TRHDE: variants seen among roughly 807,000 people sequenced by gnomAD.
The protein encoded by TRHDE is thyrotropin-releasing hormone-degrading ectoenzyme.
Under a neutral mutation model 125.7 loss-of-function variants are expected in TRHDE, and 72 were observed. The observed-to-expected ratio is 0.57, with a 90% CI of 0.47 to 0.70. The LOEUF is 0.70. Among genes scored for constraint, TRHDE ranks in the 30% least tolerant of loss-of-function variants. The pLI, the probability that TRHDE is intolerant of heterozygous loss-of-function variation, is 0.00. For missense variants in TRHDE, 1,110 were observed against 1,327.1 expected, an observed-to-expected ratio of 0.84 and a Z score of 2.54; for synonymous variants, 509 against 509.1, an observed-to-expected ratio of 1.00 and a Z score of 0.00.
intron 2 of TRHDE, among the ~76,000 whole-genome samples, chr12:72,311,875 A>C (rs1868558682): frequency 6.6e-6 from 1 of 152,076 alleles, no homozygotes; most frequent in Admixed American, 6.6e-5. Flanking sequence ...CAAATCATTT[A>C]GTACTTTCCT....
Position 72,198,184 on chromosome 12 carries a change from A to AT in TRHDE, n.279+92433dup, listed in dbSNP as rs1877482910. ...ATAAATAATATTGTATTGTATGAAT[A>AT]TACCACATTTTTTAATCCATTCATC... On this transcript the variant is annotated intron_variant and non_coding_transcript_variant, in intron 2 of 4. Transcript: ENST00000548156. Among the ~76,000 whole-genome samples the AT allele has an allele frequency of 2.0e-5, 3 of 152,256 alleles. No individual in the cohort carries two copies. In the East Asian group the frequency reaches 5.8e-4, roughly 29 times the overall value.
At position 72,226,653 on chromosome 12, in the gene TRHDE, T is replaced by G. The variant is rs567135772; in HGVS notation, n.279+120901T>G. ...ACCAAATAGTAGTTATTTGACTTAC[T>G]GCAATGAAGAATACACTAAAGTGAT... On this transcript the variant is annotated intron_variant and non_coding_transcript_variant, in intron 2 of 4. Transcript: ENST00000548156. Among the ~76,000 whole-genome samples the G allele has an allele frequency of 1.3e-3, 196 of 152,342 alleles. 1 individual carries two copies. Among genetic ancestry groups the G allele is most frequent in the African/African-American group, 4.5e-3 (189 of 41,582 alleles).
chr12:72,376,756 T>C (rs1320412025), intron 2 of TRHDE, among the ~76,000 whole-genome samples: 2 of 152,058 alleles, frequency 1.3e-5, no homozygotes, highest in African/African-American at 4.8e-5. Flanking sequence ...TAAATAATAA[T>C]AGATGATGTA....
intron 15 of TRHDE, among the ~76,000 whole-genome samples, chr12:72,647,519 T>C (rs1306917298): frequency 6.6e-6 from 1 of 151,676 alleles, no homozygotes; most frequent in African/African-American, 2.4e-5. Flanking sequence ...CAAGATAAAA[T>C]TGATAAATCT....
chr12:72,614,600 T>A (rs10879464), intron 12 of TRHDE, among the ~76,000 whole-genome samples: 61,992 of 151,812 alleles, frequency 0.41, 14,733 homozygotes, highest in African/African-American at 0.65. Context: ...CATATATTAT[T>A]AAATATGTAG....
At chr12:72,183,100 C>T (rs917881360) in intron 2 of TRHDE, among the ~76,000 whole-genome samples, 2 of 152,124 alleles carry the variant, frequency 1.3e-5, no homozygotes, top group African/African-American at 4.8e-5. Flanking sequence ...GTGAGAGTCC[C>T]CCAACTCTTT....
At chr12:72,187,988 A>G (rs1877262024) in intron 2 of TRHDE, among the ~76,000 whole-genome samples, 1 of 152,260 alleles carries the variant, frequency 6.6e-6, no homozygotes, top group Admixed American at 6.5e-5. Flanking sequence ...ATATGAAAAT[A>G]TGGGATAATA....
In TRHDE at chr12:72,448,748, G is replaced by GAA. The variant is rs36100035; in HGVS notation, c.1316-21002_1316-21001dup. Reference sequence around the variant, plus strand: ...TACAGCATTACAGAAAGCAATTTAGGAAAAAAAAATGAAAGAAAGAAAAGG... The same window carrying GAA: ...TACAGCATTACAGAAAGCAATTTAGGAAAAAAAAAAATGAAAGAAAGAAAAGG... On this transcript the variant is annotated intron_variant, in intron 3 of 18. Transcript: ENST00000261180. Among the ~76,000 whole-genome samples, 616 of 148,046 alleles carry GAA rather than the reference G, an allele frequency of 4.2e-3. 2 individuals carry two copies. Among genetic ancestry groups the GAA allele is most frequent in the African/African-American group, 0.014 (560 of 40,754 alleles).
intron 13 of TRHDE, 80 bp from the exon 14 acceptor site, chr12:72,621,028 A>G (rs989185836): frequency 3.0e-6 from 2 of 663,358 alleles, no homozygotes; most frequent in Non-Finnish European, 5.2e-6. Flanking sequence ...GAATATTTTA[A>G]TTTTATTACA....
chr12:72,110,273 T>G (rs939334260), intron 2 of TRHDE, among the ~76,000 whole-genome samples: 1 of 152,130 alleles, frequency 6.6e-6, no homozygotes, highest in Non-Finnish European at 1.5e-5. Flanking sequence ...TGACACCTTT[T>G]ATCTGTAGAG....
At chr12:72,115,252 A>C in intron 2 of TRHDE, among the ~76,000 whole-genome samples, 2 of 108,728 alleles carry the variant, frequency 1.8e-5, no homozygotes, top group South Asian at 3.3e-4. Flanking sequence ...ATTCTACTCT[A>C]TCTCCATGAG....
intron 12 of TRHDE, among the ~76,000 whole-genome samples, chr12:72,583,224 C>T (rs145515888): frequency 1.2e-3 from 183 of 152,242 alleles, no homozygotes; most frequent in African/African-American, 4.0e-3. Flanking sequence ...TTGCAAACTA[C>T]GATTTATTGT....
intron 2 of TRHDE, among the ~76,000 whole-genome samples, chr12:72,310,481 A>G (rs1201655329): frequency 3.3e-5 from 5 of 152,226 alleles, no homozygotes; most frequent in Non-Finnish European, 7.3e-5. Flanking sequence ...TGTAACTTTG[A>G]AACACTATAT....
intron 2 of TRHDE, among the ~76,000 whole-genome samples, chr12:72,243,525 C>T (rs1001795039): frequency 6.6e-6 from 1 of 152,044 alleles, no homozygotes; most frequent in Non-Finnish European, 1.5e-5. Context: ...ATATTTATTA[C>T]CTGTTGAAAT....
At chr12:72,599,955 G>C (rs1380482624) in intron 12 of TRHDE, among the ~76,000 whole-genome samples, 1 of 151,932 alleles carries the variant, frequency 6.6e-6, no homozygotes. Context: ...CATTCTTCTA[G>C]CATATAGCTA....
chr12:72,293,745 G>T (rs1880178740), intron 2 of TRHDE, among the ~76,000 whole-genome samples: 1 of 152,158 alleles, frequency 6.6e-6, no homozygotes, highest in Non-Finnish European at 1.5e-5. Context: ...CGTTTTTCTG[G>T]CTGGGAACCT....
chr12:72,211,845 A>G (rs1877789643), intron 2 of TRHDE, among the ~76,000 whole-genome samples: 1 of 152,168 alleles, frequency 6.6e-6, no homozygotes, highest in African/African-American at 2.4e-5. Flanking sequence ...TTATAACATT[A>G]TTTCATTTGA....
At chr12:72,170,822 CTCTCTCTCTGCCTT>C (rs1329351175) in intron 2 of TRHDE, among the ~76,000 whole-genome samples, 2 of 152,180 alleles carry the variant, frequency 1.3e-5, no homozygotes, top group East Asian at 1.9e-4. Context: ...CACAATTTCT[CTCTCTCTCTGCCTT>C]TCTCTCTCTG....
At chr12:72,099,981 A>T (rs1875029442) in intron 1 of TRHDE, among the ~76,000 whole-genome samples, 2 of 152,218 alleles carry the variant, frequency 1.3e-5, no homozygotes, top group Admixed American at 6.5e-5. Flanking sequence ...GGTAGTAAAG[A>T]TATGAATGAG....
Sources: gnomAD v4.1 joint callset for allele counts (sites outside exome capture counted in the v4.1 genomes callset) on GRCh38, gnomAD v4.1.1 for gene constraint, MANE v1.5 for transcripts, NCBI Gene and HGNC (gene_info 2026-07-23, HGNC 2026-07-21) for gene names.